AGAP1: variants seen among roughly 807,000 people sequenced by gnomAD.
The protein encoded by AGAP1 is arf-GAP with GTPase, ANK repeat and PH domain-containing protein 1.
A neutral mutation model predicts 105.3 loss-of-function variants in AGAP1; 29 were observed. The observed-to-expected ratio is 0.28, with a 90% CI of 0.21 to 0.38. The LOEUF (loss-of-function observed/expected upper bound fraction) is 0.38, where lower values mean the gene tolerates loss of function less well. AGAP1 is among the 10% of genes least tolerant of loss of function. AGAP1 has a pLI of 1.00. For synonymous variants in AGAP1, 509 were observed against 485.9 expected (o/e 1.05, Z -0.63); for missense variants, 998 against 1,165.1 (o/e 0.86, Z 2.09).
At chr2:235,847,544 T>G (rs979978712) in intron 9 of AGAP1, among the ~76,000 whole-genome samples, 1 of 152,260 alleles carries the variant, frequency 6.6e-6, no homozygotes, top group Admixed American at 6.5e-5. Flanking sequence ...GAATCAAGTT[T>G]ATCGTAAAAC....
Position 235,611,784 on chromosome 2 carries a change from T to A in AGAP1, c.164-97395T>A, listed in dbSNP as rs1433778184. On this transcript the variant is annotated intron_variant, in intron 1 of 17. Coordinates refer to ENST00000304032, the MANE Select transcript of AGAP1 (RefSeq NM_001037131.3). This position sits in a 1 kb window ranked among gnomAD's most constrained non-coding sequence, Gnocchi z 5.0. Reference sequence around the variant, plus strand: ...AGCATTCATCAATGATATTAATGATTTTCATTTCCTACCTTTGTAGTTTTC... The same window carrying A: ...AGCATTCATCAATGATATTAATGATATTCATTTCCTACCTTTGTAGTTTTC... Among the ~76,000 whole-genome samples the A allele has an allele frequency of 6.6e-6, 1 of 152,230 alleles. No homozygotes were observed. Among genetic ancestry groups the A allele is most frequent in the Non-Finnish European group, 1.5e-5 (1 of 68,032 alleles).
Position 235,989,446 on chromosome 2 carries a change from G to A in AGAP1, c.1645+20823G>A, listed in dbSNP as rs935349220. On this transcript the variant is annotated intron_variant, in intron 13 of 17. Coordinates refer to ENST00000304032, the MANE Select transcript of AGAP1 (RefSeq NM_001037131.3). The surrounding 1 kb of genome is among the most constrained non-coding windows in gnomAD (Gnocchi z 4.4). Reference sequence around the variant, plus strand: ...GGTCCGCAGCTCGATGGTGATGAGTGTAGGGGAGAGGTGGGTGCTGGGACA... The same window carrying A: ...GGTCCGCAGCTCGATGGTGATGAGTATAGGGGAGAGGTGGGTGCTGGGACA... Among the ~76,000 whole-genome samples, 4 of 152,214 alleles carry A rather than the reference G, an allele frequency of 2.6e-5. No individual in the cohort carries two copies. The highest frequency in any genetic ancestry group is 2.1e-4 in the South Asian group (1 of 4,832).
rs1950251658 is a variant in AGAP1, at chr2:235,701,328, T to C, written c.164-7851T>C. On this transcript the variant is annotated intron_variant, in intron 1 of 17. Coordinates refer to ENST00000304032, the MANE Select transcript of AGAP1 (RefSeq NM_001037131.3). This position sits in a 1 kb window ranked among gnomAD's most constrained non-coding sequence, Gnocchi z 4.1. The stretch of plus-strand genomic sequence containing the variant: ...ATGCTGACGTTGTTGTGACAGATTC[T>C]AAGTCGCCTCAGGGCTCAGGGGAAA... Among the ~76,000 whole-genome samples, 1 of 152,072 alleles carries C rather than the reference T, an allele frequency of 6.6e-6. No homozygotes were observed. Among genetic ancestry groups the C allele is most frequent in the Non-Finnish European group, 1.5e-5 (1 of 68,026 alleles).
rs1301709914 is a variant in AGAP1, at chr2:235,701,199, ATCCTC to A, written c.164-7978_164-7974del. ...TATATATGGGGGGGTGGAAATCACT[ATCCTC>A]TAAGAAGTTACAAACCTGCAAATCC... On this transcript the variant is annotated intron_variant, in intron 1 of 17. Transcript: ENST00000304032. This position sits in a 1 kb window ranked among gnomAD's most constrained non-coding sequence, Gnocchi z 4.1. 6.6e-6 allele frequency among the ~76,000 whole-genome samples: 1 copy of A among 151,636 alleles called. No individual in the cohort carries two copies. Among genetic ancestry groups the A allele is most frequent in the African/African-American group, 2.4e-5 (1 of 41,248 alleles).
intron 1 of AGAP1, among the ~76,000 whole-genome samples, chr2:235,527,210 G>C (rs985463451): frequency 6.6e-6 from 1 of 152,206 alleles, no homozygotes; most frequent in African/African-American, 2.4e-5. Flanking sequence ...GCAGAATGAA[G>C]ACATTGGCCA....
At chr2:235,699,193 T>TG (rs1409153887) in intron 1 of AGAP1, among the ~76,000 whole-genome samples, 2 of 151,454 alleles carry the variant, frequency 1.3e-5, no homozygotes, top group African/African-American at 2.4e-5. Context: ...CCTACTTTGG[T>TG]GGGGTGTTAC....
intron 1 of AGAP1, 36 bp downstream of exon 1, chr2:235,494,885 A>G: frequency 6.6e-7 from 1 of 1,525,510 alleles, no homozygotes; most frequent in Non-Finnish European, 8.8e-7. Context: ...TCGGGAAGGC[A>G]CGGACGCCCG....
In AGAP1 at chr2:235,893,305, G is replaced by T. The variant is rs146469236; in HGVS notation, c.1155+9856G>T. ...AGCGTGGGTGTAGCGTGTCTGTGGC[G>T]CAGGTGTGCCGTGTCTGTGGCATGG... is the stretch of plus-strand genomic sequence containing the variant. On this transcript the variant is annotated intron_variant, in intron 10 of 17. Transcript: ENST00000304032. The surrounding 1 kb of genome is among the most constrained non-coding windows in gnomAD (Gnocchi z 4.7). Among the ~76,000 whole-genome samples the T allele has an allele frequency of 3.9e-3, 595 of 151,284 alleles. 3 individuals carry two copies. The highest frequency in any genetic ancestry group is 7.2e-3 in the Non-Finnish European group (488 of 67,768).
rs1953085753 is a variant in AGAP1 at position 235,747,757 on chromosome 2, G to A, written c.539-2597G>A. ...GCTCGGCTGCTCTTTCAGGGGTTTGGCTTCCTGGGATGCCAGAGACAAAAG... is the reference window on the plus strand; with the variant it reads ...GCTCGGCTGCTCTTTCAGGGGTTTGACTTCCTGGGATGCCAGAGACAAAAG... On this transcript the variant is annotated intron_variant, in intron 5 of 17. Transcript: ENST00000304032. The surrounding 1 kb of genome is among the most constrained non-coding windows in gnomAD (Gnocchi z 5.0). Among the ~76,000 whole-genome samples the A allele has an allele frequency of 6.6e-6, 1 of 152,260 alleles. No individual in the cohort carries two copies. Among genetic ancestry groups the A allele is most frequent in the South Asian group, 2.1e-4 (1 of 4,832 alleles).
rs565231127 is a variant in AGAP1 at position 235,724,607 on chromosome 2, G to A, written c.310+6963G>A. Among the ~76,000 whole-genome samples the A allele has an allele frequency of 1.3e-5, 2 of 152,112 alleles. No homozygotes were observed. Among genetic ancestry groups the A allele is most frequent in the African/African-American group, 4.8e-5 (2 of 41,426 alleles). On this transcript the variant is annotated intron_variant, in intron 3 of 17. Transcript: ENST00000304032. The surrounding 1 kb of genome is among the most constrained non-coding windows in gnomAD (Gnocchi z 4.9). ...GGTGGGGGGAGGGGGAGTTCCCTAT[G>A]TAAAGAAGAGTCCAAAACAGATAAG...
chr2:235,826,592 G>C (rs1258884627), intron 9 of AGAP1, among the ~76,000 whole-genome samples: 2 of 152,220 alleles, frequency 1.3e-5, no homozygotes, highest in African/African-American at 4.8e-5. Context: ...TGGGATTACA[G>C]GCGCCCGCCA....
Position 236,104,101 on chromosome 2 carries a change from G to C in AGAP1, c.2115-16091G>C, listed in dbSNP as rs1017072638. Among the ~76,000 whole-genome samples the C allele has an allele frequency of 1.3e-5, 2 of 152,242 alleles. No homozygotes were observed. The highest frequency in any genetic ancestry group is 4.8e-5 in the African/African-American group (2 of 41,464). ...CTTAGGTACTTCCCACTTGCATTTA[G>C]GTGGGGGGCCTTGGGCAGTGGGTCT... On this transcript the variant is annotated intron_variant, in intron 16 of 17. Transcript: ENST00000304032. This position sits in a 1 kb window ranked among gnomAD's most constrained non-coding sequence, Gnocchi z 4.7.
rs1446918850 is a variant in AGAP1 at position 235,596,800 on chromosome 2, C to CT, written c.163+101952dup. Reference sequence around the variant, plus strand: ...CGGGGCTGTCGACTGAATTGTGTCCCTGCAACCCCGTGTGATGGTATTAGG... The same window carrying CT: ...CGGGGCTGTCGACTGAATTGTGTCCCTTGCAACCCCGTGTGATGGTATTAGG... On this transcript the variant is annotated intron_variant, in intron 1 of 17. Coordinates refer to ENST00000304032, the MANE Select transcript of AGAP1 (RefSeq NM_001037131.3). This position sits in a 1 kb window ranked among gnomAD's most constrained non-coding sequence, Gnocchi z 5.9. 6.6e-6 allele frequency among the ~76,000 whole-genome samples: 1 copy of CT among 152,164 alleles called. No individual in the cohort carries two copies. The highest frequency in any genetic ancestry group is 2.4e-5 in the African/African-American group (1 of 41,446).
Position 235,700,444 on chromosome 2 carries a change from G to A in AGAP1, c.164-8735G>A, listed in dbSNP as rs1209331089. ...CACACCCACGACAAGGGCGTTCTTG[G>A]GGAACACCGTGATTCTGGAGGGGTA... On this transcript the variant is annotated intron_variant, in intron 1 of 17. Transcript: ENST00000304032. This position sits in a 1 kb window ranked among gnomAD's most constrained non-coding sequence, Gnocchi z 6.1. Among the ~76,000 whole-genome samples the A allele has an allele frequency of 2.0e-5, 3 of 152,130 alleles. No individual in the cohort carries two copies. Among genetic ancestry groups the A allele is most frequent in the African/African-American group, 4.8e-5 (2 of 41,414 alleles).
intron 1 of AGAP1, among the ~76,000 whole-genome samples, chr2:235,708,419 T>A (rs1388272705): frequency 2.0e-5 from 3 of 151,490 alleles, no homozygotes; most frequent in Non-Finnish European, 4.4e-5. Context: ...CCATGGTCGT[T>A]TGGGTCATCT....
intron 1 of AGAP1, among the ~76,000 whole-genome samples, chr2:235,673,484 G>A (rs1387490032): frequency 6.6e-6 from 1 of 152,216 alleles, no homozygotes; most frequent in African/African-American, 2.4e-5. Flanking sequence ...CGCTGCTTGT[G>A]AGATCGGGTG....
intron 9 of AGAP1, among the ~76,000 whole-genome samples, chr2:235,880,297 A>T (rs59410967): frequency 1.3e-5 from 2 of 151,996 alleles, no homozygotes; most frequent in East Asian, 3.9e-4. Flanking sequence ...GAGTGGTGCA[A>T]ATCCATCCGC....
At chr2:235,966,190 G>A (rs1466546284) in intron 12 of AGAP1, among the ~76,000 whole-genome samples, 1 of 142,878 alleles carries the variant, frequency 7.0e-6, no homozygotes, top group Non-Finnish European at 1.5e-5. Context: ...AGGGGAGTCT[G>A]TTCCTCTAAG....
Position 235,595,737 on chromosome 2 carries a change from G to A in AGAP1, c.163+100888G>A, listed in dbSNP as rs142408946. Among the ~76,000 whole-genome samples the A allele has an allele frequency of 9.5e-3, 1,440 of 152,278 alleles. 28 individuals are homozygous for A. Among genetic ancestry groups the A allele is most frequent in the African/African-American group, 0.033 (1,363 of 41,562 alleles). ...TGATATGGCACAAATATTTATAGCC[G>A]ATGATTGATGTGAAATTAACAAAAA... On this transcript the variant is annotated intron_variant, in intron 1 of 17. Coordinates refer to ENST00000304032, the MANE Select transcript of AGAP1 (RefSeq NM_001037131.3).
Sources: allele counts gnomAD v4.1 joint callset (sites outside exome capture counted in the v4.1 genomes callset), GRCh38; gene constraint gnomAD v4.1.1; non-coding constraint Gnocchi (gnomAD v3.1); transcripts MANE v1.5; gene names NCBI Gene and HGNC (gene_info 2026-07-23, HGNC 2026-07-21).